AIG1: variants seen among roughly 807,000 people sequenced by gnomAD.
The protein encoded by AIG1 is androgen induced 1.
A neutral mutation model predicts 31.4 loss-of-function variants in AIG1; 23 were observed. The ratio of observed to expected loss-of-function variants is 0.73; its 90% confidence interval spans 0.53 to 1.04. The LOEUF (loss-of-function observed/expected upper bound fraction) is 1.04. Ranked by LOEUF, AIG1 falls within the 50% of genes least tolerant of loss-of-function variation. The probability of loss-of-function intolerance (pLI) is 0.00; values close to 1 mark genes in which losing one functional copy is unlikely to be tolerated. For synonymous variants in AIG1, 100 were observed against 110.5 expected, an observed-to-expected ratio of 0.90 and a Z score of 0.60; for missense variants, 274 against 295.0, an observed-to-expected ratio of 0.93 and a Z score of 0.52.
chr6:143,101,733 A>C (rs1435980079), intron 1 of AIG1, among the ~76,000 whole-genome samples: 1 of 152,180 alleles, frequency 6.6e-6, no homozygotes, highest in African/African-American at 2.4e-5. Context: ...TGGGTGCACC[A>C]AAATCTCACA....
chr6:143,219,717 G>A (rs965201479), intron 3 of AIG1, among the ~76,000 whole-genome samples: 22 of 152,226 alleles, frequency 1.4e-4, no homozygotes, highest in African/African-American at 5.3e-4. Flanking sequence ...GTTGATACAT[G>A]AACAGGCCCA....
intron 1 of AIG1, among the ~76,000 whole-genome samples, chr6:143,127,875 A>G (rs188849140): frequency 2.1e-3 from 319 of 152,158 alleles, no homozygotes; most frequent in Non-Finnish European, 3.5e-3. Flanking sequence ...TTTAGTAGAG[A>G]TGGAGTTTTA....
chr6:143,060,471 T>C, upstream of AIG1: 1 of 249,326 alleles, frequency 4.0e-6, no homozygotes, highest in South Asian at 2.9e-5. Context: ...TCAGTCTAGG[T>C]TCCCCGCCCC....
rs143675666 is a variant in AIG1, at chr6:143,327,984, A to G, written c.516-5298A>G. Among the ~76,000 whole-genome samples, 2 of 152,358 alleles carry G rather than the reference A, an allele frequency of 1.3e-5. No homozygotes were observed. Among genetic ancestry groups the G allele is most frequent in the East Asian group, 1.9e-4 (1 of 5,186 alleles). ...ATATAAGTTTGTAAAATACCTGTGT[A>G]TAAGTAGTGAACATGATGCCATAGC... On this transcript the variant is annotated intron_variant, in intron 4 of 5. Coordinates refer to ENST00000357847, the MANE Select transcript of AIG1 (RefSeq NM_016108.4). This position sits in a 1 kb window ranked among gnomAD's most constrained non-coding sequence, Gnocchi z 5.3.
At chr6:143,273,767 A>G (rs536502739) in intron 3 of AIG1, among the ~76,000 whole-genome samples, 1 of 152,298 alleles carries the variant, frequency 6.6e-6, no homozygotes, top group East Asian at 1.9e-4. Flanking sequence ...CACTACCATG[A>G]GAACAGTATG....
intron 3 of AIG1, among the ~76,000 whole-genome samples, chr6:143,201,417 C>A (rs1219895395): frequency 6.6e-6 from 1 of 152,034 alleles, no homozygotes; most frequent in Non-Finnish European, 1.5e-5. Context: ...TTCATTGCTT[C>A]ATAGCTGTTT....
intron 3 of AIG1, among the ~76,000 whole-genome samples, chr6:143,191,921 G>A (rs899725667): frequency 4.8e-5 from 6 of 123,712 alleles, no homozygotes; most frequent in African/African-American, 7.8e-5. Flanking sequence ...CCCCACGAAA[G>A]TTTTGTTATA....
Position 143,299,955 on chromosome 6 carries a change from T to C in AIG1, c.515+15730T>C, listed in dbSNP as rs1296869053. The stretch of plus-strand genomic sequence containing the variant: ...GTGGCACCCTCCATTCACCCCATCA[T>C]AGCATTTCTGACACTGCTGTGAAAC... On this transcript the variant is annotated intron_variant, in intron 4 of 5. Coordinates refer to ENST00000357847, the MANE Select transcript of AIG1 (RefSeq NM_016108.4). The surrounding 1 kb of genome is among the most constrained non-coding windows in gnomAD (Gnocchi z 4.1). Among the ~76,000 whole-genome samples the C allele has an allele frequency of 6.6e-6, 1 of 152,192 alleles. No homozygotes were observed. Among genetic ancestry groups the C allele is most frequent in the Non-Finnish European group, 1.5e-5 (1 of 68,016 alleles).
At chr6:143,143,528 AAT>A (rs1245695724) in intron 2 of AIG1, among the ~76,000 whole-genome samples, 875 of 27,772 alleles carry the variant, frequency 0.032, 21 homozygotes, top group Middle Eastern at 0.091. Flanking sequence ...AAAAAAAAAA[AAT>A]ATATATATAT....
intron 3 of AIG1, among the ~76,000 whole-genome samples, chr6:143,271,269 TA>T (rs1228463530): frequency 6.6e-6 from 1 of 152,196 alleles, no homozygotes; most frequent in East Asian, 1.9e-4. Flanking sequence ...AGTAAATCAA[TA>T]ACCCCTTGGA....
chr6:143,301,387 T>C (rs982710052), intron 4 of AIG1, among the ~76,000 whole-genome samples: 2 of 152,204 alleles, frequency 1.3e-5, no homozygotes, highest in African/African-American at 4.8e-5. Context: ...CTTTCTTTTG[T>C]TATTCACCTT....
At chr6:143,062,838 C>G (rs1302341981) in intron 1 of AIG1, among the ~76,000 whole-genome samples, 1 of 152,176 alleles carries the variant, frequency 6.6e-6, no homozygotes, top group East Asian at 1.9e-4. Context: ...CCTTTTGGGA[C>G]ACTGCCTTAT....
Position 143,331,351 on chromosome 6 carries a change from C to A in AIG1, c.516-1931C>A, listed in dbSNP as rs1254855968. On this transcript the variant is annotated intron_variant, in intron 4 of 5. Transcript: ENST00000357847. This position sits in a 1 kb window ranked among gnomAD's most constrained non-coding sequence, Gnocchi z 4.1. ...ACTCTGTTCCCGTTAAACAATAACTCCCTATTCTCCACTCCCCCGAGTCCC... is the reference window on the plus strand; with the variant it reads ...ACTCTGTTCCCGTTAAACAATAACTACCTATTCTCCACTCCCCCGAGTCCC... Among the ~76,000 whole-genome samples the A allele has an allele frequency of 6.6e-6, 1 of 152,092 alleles. No homozygotes were observed. The highest frequency in any genetic ancestry group is 1.5e-5 in the Non-Finnish European group (1 of 68,026).
At chr6:143,294,440 C>CTA (rs2128691249) in intron 4 of AIG1, among the ~76,000 whole-genome samples, 1 of 152,312 alleles carries the variant, frequency 6.6e-6, no homozygotes, top group East Asian at 1.9e-4. Flanking sequence ...AGCCTGTATT[C>CTA]TGCTTCTGCC....
chr6:143,221,545 C>G (rs982802894), intron 3 of AIG1, among the ~76,000 whole-genome samples: 1 of 152,070 alleles, frequency 6.6e-6, no homozygotes, highest in Non-Finnish European at 1.5e-5. Context: ...TATGATACAG[C>G]AGCTAATATT....
At chr6:143,143,528 AATATATATATATATATAT>A (rs1245695724) in intron 2 of AIG1, among the ~76,000 whole-genome samples, 1 of 27,784 alleles carries the variant, frequency 3.6e-5, no homozygotes, top group Non-Finnish European at 7.9e-5. Context: ...AAAAAAAAAA[AATATATATATATATATAT>A]ATATATATAC....
chr6:143,150,234 A>G (rs1425108343), intron 2 of AIG1, among the ~76,000 whole-genome samples: 4 of 152,312 alleles, frequency 2.6e-5, no homozygotes, highest in East Asian at 3.9e-4. Flanking sequence ...TTGTTCATCA[A>G]AGTCCTTCTG....
intron 1 of AIG1, among the ~76,000 whole-genome samples, chr6:143,073,987 A>G (rs1210439989): frequency 2.0e-5 from 3 of 152,326 alleles, no homozygotes; most frequent in East Asian, 1.9e-4. Flanking sequence ...CATTCGAACT[A>G]TATCAGTGAT....
intron 1 of AIG1, among the ~76,000 whole-genome samples, chr6:143,134,057 G>A (rs1289222518): frequency 6.6e-6 from 1 of 151,968 alleles, no homozygotes; most frequent in Non-Finnish European, 1.5e-5. Flanking sequence ...TTTGAAAGAG[G>A]CTAGCCAACT....
Sources: gnomAD v4.1 joint callset for allele counts (sites outside exome capture counted in the v4.1 genomes callset) on GRCh38, gnomAD v4.1.1 for gene constraint, Gnocchi (gnomAD v3.1) non-coding constraint, MANE v1.5 for transcripts, NCBI Gene and HGNC (gene_info 2026-07-23, HGNC 2026-07-21) for gene names.